The following ABHD2 variants were observed in gnomAD, a reference collection of about 807,000 sequenced individuals.
The protein encoded by ABHD2 is monoacylglycerol lipase ABHD2.
A neutral mutation model predicts 48.1 loss-of-function variants in ABHD2; 20 were observed. The ratio of observed to expected loss-of-function variants is 0.42; its 90% CI spans 0.29 to 0.60. ABHD2 has a LOEUF of 0.60. Ranked by LOEUF, ABHD2 falls within the 20% of genes least tolerant of loss-of-function variation. ABHD2 has a pLI of 0.24. For synonymous variants in ABHD2, 209 were observed against 214.2 expected, an observed-to-expected ratio of 0.98 and a Z score of 0.21; for missense variants, 405 against 550.9, an observed-to-expected ratio of 0.74 and a Z score of 2.65.
At chr15:89,093,097 G>GCAA (rs1164044657) in intron 1 of ABHD2, among the ~76,000 whole-genome samples, 13 of 150,534 alleles carry the variant, frequency 8.6e-5, no homozygotes, top group Non-Finnish European at 1.5e-4. Context: ...TCCAGGGAAA[G>GCAA]TTTGCCGTTT....
At position 89,176,684 on chromosome 15, in the gene ABHD2, ACACT is replaced by A. The variant is rs1266402175; in HGVS notation, c.722+693_722+696del. Reference sequence around the variant, plus strand: ...CTCACACGTTCACACACACATGCACACACTCACACTATACACACACCTCTCCAGG... The same window carrying A: ...CTCACACGTTCACACACACATGCACACACACTATACACACACCTCTCCAGG... On this transcript the variant is annotated intron_variant, in intron 6 of 10. Transcript: ENST00000352732. This position sits in a 1 kb window ranked among gnomAD's most constrained non-coding sequence, Gnocchi z 4.5. Among the ~76,000 whole-genome samples the A allele has an allele frequency of 2.0e-5, 3 of 152,156 alleles. No individual in the cohort carries two copies. The highest frequency in any genetic ancestry group is 6.5e-5 in the Admixed American group (1 of 15,284).
intron 1 of ABHD2, among the ~76,000 whole-genome samples, chr15:89,112,427 A>G (rs1238568172): frequency 1.3e-5 from 2 of 152,198 alleles, no homozygotes; most frequent in African/African-American, 4.8e-5. Flanking sequence ...TTTGGCAGCC[A>G]AGCCTGTGGG....
Position 89,102,479 on chromosome 15 carries a change from G to T in ABHD2, c.-106-11246G>T, listed in dbSNP as rs2049716580. The T allele has an allele frequency of 6.6e-6, 1 of 152,246 alleles. No homozygotes were observed. Among genetic ancestry groups the T allele is most frequent in the Non-Finnish European group, 1.5e-5 (1 of 68,052 alleles). The allele number at this position is 152,246 out of a possible 1,614,324, so 9.4% of individuals were successfully genotyped here. On this transcript the variant is annotated intron_variant, in intron 1 of 10. Transcript: ENST00000352732. This position sits in a 1 kb window ranked among gnomAD's most constrained non-coding sequence, Gnocchi z 4.8. ...TAGTTTGCAAAACATCCCTCCCAGTGGTACTGATGCCTTTTCGCAGGTTCT... is the reference window on the plus strand; with the variant it reads ...TAGTTTGCAAAACATCCCTCCCAGTTGTACTGATGCCTTTTCGCAGGTTCT...
At chr15:89,055,134 A>C in the ABHD2 span, among the ~76,000 whole-genome samples, 1 of 152,052 alleles carries the variant, frequency 6.6e-6, no homozygotes, top group Non-Finnish European at 1.5e-5. Flanking sequence ...GGAGTTCAAG[A>C]CTGCAGTGAG....
chr15:89,194,969 A>G (rs1383815850), intron 10 of ABHD2, among the ~76,000 whole-genome samples: 3 of 152,150 alleles, frequency 2.0e-5, no homozygotes, highest in East Asian at 1.9e-4. Flanking sequence ...GCCGAGTTTG[A>G]GAACCCTTTA....
Position 89,151,941 on chromosome 15 carries a change from A to G in ABHD2, c.370+89A>G. 2.7e-6 allele frequency: 4 copies of G among 1,493,596 alleles called. No homozygotes were observed. The highest frequency in any genetic ancestry group is 3.6e-6 in the Non-Finnish European group (4 of 1,107,750). The allele number at this position is 1,493,596 out of a possible 1,614,324, so 92.5% of individuals were successfully genotyped here. A position where few individuals can be genotyped will look rare whatever the true frequency, so the allele number is the denominator to read the frequency against. On this transcript the variant is annotated intron_variant, in intron 4 of 10. Transcript: ENST00000352732. This position sits in a 1 kb window ranked among gnomAD's most constrained non-coding sequence, Gnocchi z 4.7. ...GCACAGCAGTGTGAATACTTGTGCC[A>G]CTGACTCTGCCCATGGCATCAGGGG...
the ABHD2 span, among the ~76,000 whole-genome samples, chr15:89,061,460 G>A: frequency 9.2e-5 from 14 of 152,134 alleles, no homozygotes; most frequent in African/African-American, 2.7e-4. Context: ...TGGGTACAAT[G>A]TTCACTATTT....
In ABHD2 at chr15:89,188,473, C is replaced by T. The variant is rs2051250528; in HGVS notation, c.926+170C>T. Among the ~76,000 whole-genome samples, 1 of 152,220 alleles carries T rather than the reference C, an allele frequency of 6.6e-6. No individual in the cohort carries two copies. Among genetic ancestry groups the T allele is most frequent in the South Asian group, 2.1e-4 (1 of 4,832 alleles). On this transcript the variant is annotated intron_variant, in intron 8 of 10. Coordinates refer to ENST00000352732, the MANE Select transcript of ABHD2 (RefSeq NM_152924.5). This position sits in a 1 kb window ranked among gnomAD's most constrained non-coding sequence, Gnocchi z 4.1. ...TTAAAAACAGAAGATTTCACAGGAA[C>T]ATTTAAATTTCTAGTTTCTCCTGGA...
the ABHD2 span, among the ~76,000 whole-genome samples, chr15:89,073,105 G>A: frequency 6.6e-6 from 1 of 152,102 alleles, no homozygotes; most frequent in Non-Finnish European, 1.5e-5. Flanking sequence ...AATCTAGCAA[G>A]CCTAGTTGTG....
chr15:89,047,793 C>T, the ABHD2 span, among the ~76,000 whole-genome samples: 2 of 147,630 alleles, frequency 1.4e-5, no homozygotes, highest in South Asian at 4.2e-4. Context: ...ATGTGTGTCT[C>T]TGCATGTGAG....
In ABHD2 at chr15:89,121,145, G is replaced by C. The variant is rs538560594; in HGVS notation, c.194+4624G>C. ...AGCTTTGAATTGAAATTTGAACTAG[G>C]ATGCAAACCTAGGTCTTCTACCTCT... On this transcript the variant is annotated intron_variant, in intron 3 of 10. Transcript: ENST00000352732. 4.1e-4 allele frequency among the ~76,000 whole-genome samples: 62 copies of C among 152,316 alleles called. 1 individual carries two copies. The South Asian group carries it at 0.013, about 32-fold the overall frequency.
intron 3 of ABHD2, among the ~76,000 whole-genome samples, chr15:89,148,118 CAAAAAA>C (rs10711138): frequency 1.4e-5 from 1 of 69,578 alleles, no homozygotes. Flanking sequence ...GACTCCGTCT[CAAAAAA>C]AAAAAAAAAA....
At chr15:89,191,037 T>A (rs746608780) in intron 8 of ABHD2, 43 bp from the exon 9 acceptor site, 1 of 1,590,366 alleles carries the variant, frequency 6.3e-7, no homozygotes, top group Non-Finnish European at 8.6e-7. Flanking sequence ...TAAAGACCAA[T>A]GTTTTGTCCT....
At position 89,202,081 on chromosome 15, in the gene ABHD2, G is replaced by T; in HGVS notation, c.*6658G>T. On this transcript the variant is annotated 3_prime_UTR_variant, in exon 11 of 11. Transcript: ENST00000352732. ...GAGTTTGTGTTCTGAAAGCCTCCGT[G>T]CTGCTGGATCTTTGGGGGGAAATAC... 3.6e-6 allele frequency: 1 copy of T among 276,354 alleles called. No homozygotes were observed. The highest frequency in any genetic ancestry group is 6.9e-6 in the Non-Finnish European group (1 of 145,510). 17.1% of individuals were successfully genotyped at this position (276,354 alleles called of 1,614,324 possible).
chr15:89,122,298 A>G (rs1266687832), intron 3 of ABHD2, among the ~76,000 whole-genome samples: 1 of 152,110 alleles, frequency 6.6e-6, no homozygotes, highest in Non-Finnish European at 1.5e-5. Flanking sequence ...TCTTTTCTTT[A>G]TCACTGGAAT....
the ABHD2 span, among the ~76,000 whole-genome samples, chr15:89,078,210 T>C: frequency 4.7e-4 from 71 of 152,202 alleles, 1 homozygote; most frequent in African/African-American, 1.5e-3. Context: ...ACAACTTACA[T>C]TGAAACTAAT....
chr15:89,141,108 A>G (rs1420106668), intron 3 of ABHD2, among the ~76,000 whole-genome samples: 1 of 152,016 alleles, frequency 6.6e-6, no homozygotes, highest in Non-Finnish European at 1.5e-5. Flanking sequence ...AGCTGGGACC[A>G]CAGGCATGTG....
intron 9 of ABHD2, among the ~76,000 whole-genome samples, chr15:89,192,909 C>A (rs534992735): frequency 3.9e-5 from 6 of 152,258 alleles, no homozygotes; most frequent in Middle Eastern, 3.4e-3. Flanking sequence ...ATTTTCCGCT[C>A]CCATGATATA....
At position 89,185,580 on chromosome 15, in the gene ABHD2, G is replaced by A. The variant is rs988238044; in HGVS notation, c.815+64G>A. 7.6e-5 allele frequency: 112 copies of A among 1,471,562 alleles called. No individual in the cohort carries two copies. The African/African-American group carries it at 1.2e-3, about 16-fold the overall frequency. The allele number at this position is 1,471,562 out of a possible 1,614,324, so 91.2% of individuals were successfully genotyped here. ...TCCTTCCTGAGCTCATCTGGGAACCGTGAAAAGCCAGGACTCCTGTTCCTT... is the reference window on the plus strand; with the variant it reads ...TCCTTCCTGAGCTCATCTGGGAACCATGAAAAGCCAGGACTCCTGTTCCTT... On this transcript the variant is annotated intron_variant, in intron 7 of 10. Transcript: ENST00000352732. This position sits in a 1 kb window ranked among gnomAD's most constrained non-coding sequence, Gnocchi z 5.9.
Sources: gnomAD v4.1 joint callset for allele counts (sites outside exome capture counted in the v4.1 genomes callset) on GRCh38, gnomAD v4.1.1 for gene constraint, Gnocchi (gnomAD v3.1) non-coding constraint, MANE v1.5 for transcripts, NCBI Gene and HGNC (gene_info 2026-07-23, HGNC 2026-07-21) for gene names.